NPAS3: variants seen among roughly 807,000 people sequenced by gnomAD.
The protein encoded by NPAS3 is neuronal PAS domain protein 3, also known as neuronal PAS domain-containing protein 3.
A neutral mutation model predicts 73.1 loss-of-function variants in NPAS3; 14 were observed. That is an observed-to-expected ratio of 0.19 (90% CI 0.13 to 0.30). The LOEUF is 0.30. Among genes scored for constraint, NPAS3 ranks in the 10% least tolerant of loss-of-function variants. The pLI is 1.00. For synonymous variants in NPAS3, 620 were observed against 541.5 expected, an observed-to-expected ratio of 1.14 and a Z score of -2.01; for missense variants, 1,096 against 1,250.0, an observed-to-expected ratio of 0.88 and a Z score of 1.86.
chr14:32,989,594 G>A (rs941697344), intron 1 of NPAS3, among the ~76,000 whole-genome samples: 10 of 152,044 alleles, frequency 6.6e-5, no homozygotes, highest in African/African-American at 1.9e-4. Flanking sequence ...GCAGTGAGCC[G>A]AGAGCCCGCC....
chr14:33,621,229 G>T (rs952661052), intron 5 of NPAS3, among the ~76,000 whole-genome samples: 4 of 152,110 alleles, frequency 2.6e-5, no homozygotes, highest in African/African-American at 9.7e-5. Context: ...ACTTTATGAG[G>T]AAGTATCATG....
intron 1 of NPAS3, among the ~76,000 whole-genome samples, chr14:33,034,744 T>G (rs1217145287): frequency 1.3e-5 from 2 of 152,070 alleles, no homozygotes; most frequent in Non-Finnish European, 2.9e-5. Flanking sequence ...AGTTACAGAT[T>G]ATAGTACTCT....
intron 7 of NPAS3, among the ~76,000 whole-genome samples, chr14:33,736,596 A>G (rs1006314721): frequency 6.6e-6 from 1 of 151,872 alleles, no homozygotes; most frequent in African/African-American, 2.4e-5. Context: ...CTAACTATGT[A>G]GCCTTAGCAA....
chr14:33,044,322 T>C (rs1310394337), intron 1 of NPAS3, among the ~76,000 whole-genome samples: 1 of 152,232 alleles, frequency 6.6e-6, no homozygotes, highest in East Asian at 1.9e-4. Context: ...TCAGTCTTCA[T>C]TACTGTGATA....
Position 33,163,234 on chromosome 14 carries a change from C to T in NPAS3, c.141-51948C>T, listed in dbSNP as rs75999216. On this transcript the variant is annotated intron_variant, in intron 2 of 11. Transcript: ENST00000356141. ...TATTATTTAAAGCATAAATCTTGTA[C>T]AGGTTGTCCATTGACGACCCTCTGA... Among the ~76,000 whole-genome samples, 1,303 of 152,312 alleles carry T rather than the reference C, an allele frequency of 8.6e-3. 16 individuals carry two copies. Among genetic ancestry groups the T allele is most frequent in the African/African-American group, 0.03 (1,245 of 41,584 alleles).
chr14:33,550,184 G>A (rs764384402), intron 4 of NPAS3, among the ~76,000 whole-genome samples: 11 of 151,856 alleles, frequency 7.2e-5, no homozygotes, highest in Non-Finnish European at 1.6e-4. Context: ...TGTTATTTGG[G>A]GTTTGTTTTG....
intron 3 of NPAS3, among the ~76,000 whole-genome samples, chr14:33,282,788 T>C (rs1212753479): frequency 6.6e-6 from 1 of 152,206 alleles, no homozygotes; most frequent in Non-Finnish European, 1.5e-5. Flanking sequence ...GATTCATGAC[T>C]ATTATTTCAG....
At chr14:33,092,122 G>A (rs930711349) in intron 2 of NPAS3, among the ~76,000 whole-genome samples, 1 of 152,118 alleles carries the variant, frequency 6.6e-6, no homozygotes, top group African/African-American at 2.4e-5. Flanking sequence ...TCTGGCCAGG[G>A]CAATCAGGCA....
At chr14:33,060,989 A>G (rs8007613) in intron 2 of NPAS3, among the ~76,000 whole-genome samples, 40,515 of 152,128 alleles carry the variant, frequency 0.27, 5,472 homozygotes, top group South Asian at 0.31. Flanking sequence ...ATTTGGATTC[A>G]CAACCAAAAG....
chr14:33,371,331 T>A (rs985786658), intron 4 of NPAS3, among the ~76,000 whole-genome samples: 12 of 152,004 alleles, frequency 7.9e-5, no homozygotes, highest in African/African-American at 2.9e-4. Flanking sequence ...AGAATCTGAG[T>A]GTTCATGGTA....
intron 5 of NPAS3, among the ~76,000 whole-genome samples, chr14:33,573,271 C>T (rs759522535): frequency 6.6e-5 from 10 of 152,076 alleles, no homozygotes; most frequent in Admixed American, 1.3e-4. Context: ...GAATGACCTA[C>T]GTGTGCAAAA....
intron 5 of NPAS3, among the ~76,000 whole-genome samples, chr14:33,654,499 G>T (rs1452533063): frequency 6.6e-6 from 1 of 152,146 alleles, no homozygotes; most frequent in African/African-American, 2.4e-5. Flanking sequence ...GTGAAAAAAA[G>T]TGACGATTAG....
At chr14:33,663,584 C>T (rs1025858755) in intron 5 of NPAS3, among the ~76,000 whole-genome samples, 16 of 152,086 alleles carry the variant, frequency 1.1e-4, no homozygotes, top group Non-Finnish European at 2.2e-4. Context: ...GGAGGAGTCT[C>T]TCTTTCTATT....
intron 4 of NPAS3, among the ~76,000 whole-genome samples, chr14:33,370,923 C>G (rs1362353974): frequency 1.3e-5 from 2 of 152,086 alleles, no homozygotes; most frequent in Admixed American, 6.6e-5. Context: ...GAGGTAGGCA[C>G]TTGGAAACCT....
intron 5 of NPAS3, among the ~76,000 whole-genome samples, chr14:33,627,662 T>C (rs888396499): frequency 6.6e-6 from 1 of 152,124 alleles, no homozygotes; most frequent in Non-Finnish European, 1.5e-5. Flanking sequence ...TACAAGAACA[T>C]CAATAACAAA....
chr14:33,075,648 G>C (rs919083963), intron 2 of NPAS3, among the ~76,000 whole-genome samples: 8 of 152,278 alleles, frequency 5.3e-5, no homozygotes, highest in Admixed American at 3.3e-4. Context: ...ACTGCCTCCT[G>C]TATGCTTCGT....
chr14:33,081,423 C>T (rs1236910694), intron 2 of NPAS3, among the ~76,000 whole-genome samples: 1 of 151,958 alleles, frequency 6.6e-6, no homozygotes, highest in African/African-American at 2.4e-5. Context: ...TGTGAGCAAT[C>T]AGCTGCCAAA....
At chr14:33,180,917 C>A (rs1261544764) in intron 2 of NPAS3, among the ~76,000 whole-genome samples, 1 of 150,822 alleles carries the variant, frequency 6.6e-6, no homozygotes, top group Non-Finnish European at 1.5e-5. Flanking sequence ...ATAATTAAGG[C>A]TGGGAAGTTT....
At chr14:33,491,225 G>A (rs1272019744) in intron 4 of NPAS3, among the ~76,000 whole-genome samples, 3 of 151,982 alleles carry the variant, frequency 2.0e-5, no homozygotes, top group African/African-American at 7.2e-5. Context: ...CATTTCTTAT[G>A]AGAGATGAAC....
Sources: allele counts gnomAD v4.1 joint callset (sites outside exome capture counted in the v4.1 genomes callset), GRCh38; gene constraint gnomAD v4.1.1; transcripts MANE v1.5; gene names NCBI Gene and HGNC (gene_info 2026-07-23, HGNC 2026-07-21).